Variants in OSBPL5 observed in about 807,000 individuals in gnomAD.
The protein encoded by OSBPL5 is oxysterol-binding protein-related protein 5.
Under a neutral mutation model 111.2 loss-of-function variants are expected in OSBPL5, and 71 were observed. The ratio of observed to expected loss-of-function variants is 0.64; its 90% CI spans 0.53 to 0.78. The LOEUF is 0.78. Ranked by LOEUF, OSBPL5 falls within the 30% of genes least tolerant of loss-of-function variation. The pLI is 0.00. For missense variants in OSBPL5, 1,210 were observed against 1,189.3 expected (o/e 1.02, Z -0.26); for synonymous variants, 549 against 513.9 (o/e 1.07, Z -0.93).
At chr11:3,100,352 G>T in intron 13 of OSBPL5, 96 bp from the exon 14 acceptor site, 2 of 994,632 alleles carry the variant, frequency 2.0e-6, no homozygotes, top group Non-Finnish European at 3.1e-6. Flanking sequence ...CCTTCCAACA[G>T]CTGAACACGC....
intron 17 of OSBPL5, 194 bp from the exon 18 acceptor site, chr11:3,093,246 T>G: frequency 1.4e-6 from 1 of 738,966 alleles, no homozygotes; most frequent in South Asian, 2.0e-5. Context: ...AACACTGAGC[T>G]CCCATCTCCC....
At chr11:3,103,989 C>T (rs556342649) in intron 10 of OSBPL5, among the ~76,000 whole-genome samples, 2 of 152,056 alleles carry the variant, frequency 1.3e-5, no homozygotes, top group Admixed American at 6.6e-5. Context: ...ACTGACCCCC[C>T]TCTCACCACG....
chr11:3,125,512 C>G (rs1472565196), intron 3 of OSBPL5, among the ~76,000 whole-genome samples: 1 of 152,178 alleles, frequency 6.6e-6, no homozygotes, highest in African/African-American at 2.4e-5. Flanking sequence ...GCTAGGATAG[C>G]TATAAAAATA....
intron 1 of OSBPL5, among the ~76,000 whole-genome samples, chr11:3,152,306 G>GATT (rs1156873091): frequency 6.6e-6 from 1 of 152,234 alleles, no homozygotes; most frequent in Non-Finnish European, 1.5e-5. Flanking sequence ...CCGCAGCAAT[G>GATT]ATTAACACGT....
At chr11:3,119,096 A>G (rs1423074202) in intron 7 of OSBPL5, among the ~76,000 whole-genome samples, 2 of 150,466 alleles carry the variant, frequency 1.3e-5, no homozygotes, top group Non-Finnish European at 3.0e-5. Context: ...TGCAACTTCC[A>G]TCTCCCGGGT....
rs1269066463 is a variant in OSBPL5 at position 3,126,519 on chromosome 11, C to G, written c.173G>C (p.Arg58Thr). The stretch of plus-strand genomic sequence containing the variant: ...GCTTGGGGTCGGGGGCCCTTCATCC[C>G]TGGGCAGCGACGGGCCGTTGGGCTC... ...DMEPNGPSLP[R>T]DEGPPTPSSA... The change falls in exon 3 of 22, where the codon AGG becomes ACG. Residue 58 changes from arginine to threonine, a missense_variant. Transcript: ENST00000263650. This position sits in a 1 kb window ranked among gnomAD's most constrained non-coding sequence, Gnocchi z 6.5. 1 of 1,610,142 alleles carries G rather than the reference C, an allele frequency of 6.2e-7. No homozygotes were observed. The highest frequency in any genetic ancestry group is 1.7e-5 in the Admixed American group (1 of 59,810).
At chr11:3,132,249 T>G (rs1293437946) in intron 1 of OSBPL5, among the ~76,000 whole-genome samples, 1 of 151,912 alleles carries the variant, frequency 6.6e-6, no homozygotes, top group Non-Finnish European at 1.5e-5. Flanking sequence ...GGACTATCAC[T>G]CTGTGTGCCA....
intron 1 of OSBPL5, among the ~76,000 whole-genome samples, chr11:3,137,712 G>A (rs1845988115): frequency 6.6e-6 from 1 of 152,238 alleles, no homozygotes; most frequent in Non-Finnish European, 1.5e-5. Flanking sequence ...AGGAGGCTGA[G>A]GTGGGAGGAT....
intron 3 of OSBPL5, among the ~76,000 whole-genome samples, chr11:3,124,204 C>G (rs750692663): frequency 2.5e-4 from 38 of 152,342 alleles, no homozygotes; most frequent in Admixed American, 5.9e-4. Context: ...TAATAAGGAG[C>G]TGAGCTGGGA....
At chr11:3,100,744 C>G (rs1226489733) in intron 13 of OSBPL5, among the ~76,000 whole-genome samples, 1 of 152,166 alleles carries the variant, frequency 6.6e-6, no homozygotes, top group Non-Finnish European at 1.5e-5. Context: ...ACAGAGGCAA[C>G]AGGCGCACAC....
chr11:3,092,446 C>T lies in OSBPL5; in HGVS notation c.2245G>A (p.Gly749Arg), dbSNP rs1404288375. Reference protein sequence around the residue: ...ARQTTFLGSPGPRHERSGPDQ... With the variant: ...ARQTTFLGSPRPRHERSGPDQ... ...GGGGTGCTGACCTCGTGCCTGGGCC[C>T]TGGGCTGCCCAGGAAGGTGGTCTGG... The change falls in exon 19 of 22, where the codon GGG (glycine) becomes AGG (arginine). Residue 749 changes from glycine to arginine, a missense_variant. Coordinates refer to ENST00000263650, the MANE Select transcript of OSBPL5 (RefSeq NM_020896.4). This position sits in a 1 kb window ranked among gnomAD's most constrained non-coding sequence, Gnocchi z 5.4. 6.3e-7 allele frequency: 1 copy of T among 1,581,066 alleles called. No homozygotes were observed. The highest frequency in any genetic ancestry group is 1.3e-5 in the African/African-American group (1 of 74,166).
Position 3,161,701 on chromosome 11 carries a change from C to T in OSBPL5, c.-22+3515G>A, listed in dbSNP as rs1564872457. 6.6e-6 allele frequency among the ~76,000 whole-genome samples: 1 copy of T among 152,100 alleles called. No individual in the cohort carries two copies. The highest frequency in any genetic ancestry group is 1.5e-5 in the Non-Finnish European group (1 of 68,032). ...GAACCTGGCTTGGCCCAATCGCTTT[C>T]TCCATAGGAAGCCATTCAATTAAAC... On this transcript the variant is annotated intron_variant, in intron 1 of 21. Transcript: ENST00000263650. The surrounding 1 kb of genome is among the most constrained non-coding windows in gnomAD (Gnocchi z 8.0).
intron 10 of OSBPL5, among the ~76,000 whole-genome samples, chr11:3,103,763 A>AGCCCCTTTCCAGCCTGTGCC (rs1445182195): frequency 5.9e-5 from 3 of 51,204 alleles, no homozygotes; most frequent in Non-Finnish European, 1.2e-4. Flanking sequence ...CCAGCTCTGC[A>AGCCCCTTTCCAGCCTGTGCC]GCCCCCTTCC....
At chr11:3,091,651 A>G (rs1279193330) in intron 19 of OSBPL5, among the ~76,000 whole-genome samples, 1 of 152,042 alleles carries the variant, frequency 6.6e-6, no homozygotes, top group African/African-American at 2.4e-5. Context: ...TGTGCTGCAG[A>G]CATAGGGGGT....
At chr11:3,094,428 T>TCCCGACCCAGCAGCACCGATCCCTGAGG (rs1857179914) in intron 14 of OSBPL5, 94 bp from the exon 15 acceptor site, 2 of 955,538 alleles carry the variant, frequency 2.1e-6, no homozygotes, top group African/African-American at 3.4e-5. Context: ...GATCCCTGAG[T>TCCCGACCCAGCAGCACCGATCCCTGAGG]CCCGACCCAG....
intron 3 of OSBPL5, among the ~76,000 whole-genome samples, chr11:3,123,155 T>C (rs1196089717): frequency 6.6e-6 from 1 of 152,098 alleles, no homozygotes; most frequent in African/African-American, 2.4e-5. Flanking sequence ...AGGGCGGCAG[T>C]CCCAATATCT....
rs908058691 is a variant in OSBPL5 at position 3,161,095 on chromosome 11, G to T, written c.-22+4121C>A. ...GCAGCCTGACCAGCTGCCTGCCGAG[G>T]TGGGGTATCCCTCAAATCTCCTCCC... On this transcript the variant is annotated intron_variant, in intron 1 of 21. Coordinates refer to ENST00000263650, the MANE Select transcript of OSBPL5 (RefSeq NM_020896.4). The surrounding 1 kb of genome is among the most constrained non-coding windows in gnomAD (Gnocchi z 8.0). The T allele has an allele frequency of 6.6e-6, 1 of 152,212 alleles. No individual in the cohort carries two copies. Among genetic ancestry groups the T allele is most frequent in the Non-Finnish European group, 1.5e-5 (1 of 68,044 alleles). The allele number at this position is 152,212 out of a possible 1,614,324, so 9.4% of individuals were successfully genotyped here.
intron 1 of OSBPL5, 35 bp from the exon 2 acceptor site, chr11:3,129,204 C>G (rs1858742204): frequency 1.5e-6 from 2 of 1,360,510 alleles, no homozygotes; most frequent in East Asian, 6.1e-5. Context: ...CAGGAGGTCA[C>G]CGCCCCGGAA....
chr11:3,103,823 G>A (rs1292574647), intron 10 of OSBPL5, among the ~76,000 whole-genome samples: 34 of 29,080 alleles, frequency 1.2e-3, no homozygotes, highest in Middle Eastern at 0.018. Context: ...TGCCTGCGCA[G>A]CCCCCTTCCA....
Sources: gnomAD v4.1 joint callset for allele counts (sites outside exome capture counted in the v4.1 genomes callset) on GRCh38, gnomAD v4.1.1 for gene constraint, Gnocchi (gnomAD v3.1) non-coding constraint, MANE v1.5 for transcripts, NCBI Gene and HGNC (gene_info 2026-07-23, HGNC 2026-07-21) for gene names.